ENPP1: variants seen among roughly 807,000 people sequenced by gnomAD.
ENPP1 encodes ectonucleotide pyrophosphatase/phosphodiesterase family member 1.
In ENPP1, 73 loss-of-function variants were observed where a neutral mutation model predicts 122.8. The observed-to-expected ratio is 0.59, with a 90% CI of 0.49 to 0.72. The LOEUF (loss-of-function observed/expected upper bound fraction) is 0.72, where lower values mean the gene tolerates loss of function less well. Ranked by LOEUF, ENPP1 falls within the 30% of genes least tolerant of loss-of-function variation. The pLI, the probability that ENPP1 is intolerant of heterozygous loss-of-function variation, is 0.00. For missense variants in ENPP1, 978 were observed against 1,128.1 expected (o/e 0.87, Z 1.91); for synonymous variants, 367 against 391.6 (o/e 0.94, Z 0.74).
intron 16 of ENPP1, among the ~76,000 whole-genome samples, chr6:131,875,066 A>T (rs1027092990): frequency 1.3e-5 from 2 of 152,126 alleles, no homozygotes; most frequent in Non-Finnish European, 2.9e-5. Context: ...CAAAGGTGGG[A>T]GGGCAGGAGG....
chr6:131,826,216 T>C (rs1781544358), intron 1 of ENPP1: 1 of 926,774 alleles, frequency 1.1e-6, no homozygotes, highest in African/African-American at 1.6e-5. Flanking sequence ...ACATTGCAGC[T>C]TTTTGCACTG....
chr6:131,872,219 G>A lies in ENPP1; in HGVS notation c.1437+118G>A, dbSNP rs1035869206. 9.3e-6 allele frequency: 7 copies of A among 750,610 alleles called. No individual in the cohort carries two copies. The African/African-American group carries it at 1.1e-4, about 11-fold the overall frequency. The allele number at this position is 750,610 out of a possible 1,614,324, so 46.5% of individuals were successfully genotyped here. ...GGATTAGAATATTTTAGTAATCTGG[G>A]CCAACATGGAAATGCTGTGTAGTTT... is the stretch of plus-strand genomic sequence containing the variant. On this transcript the variant is annotated intron_variant, in intron 14 of 24. Coordinates refer to ENST00000647893, the MANE Select transcript of ENPP1 (RefSeq NM_006208.3).
chr6:131,831,756 CAT>C (rs1781617162), intron 1 of ENPP1, among the ~76,000 whole-genome samples: 1 of 152,154 alleles, frequency 6.6e-6, no homozygotes. Context: ...TAGGTCTTGT[CAT>C]TGATGATGTT....
In ENPP1 at chr6:131,869,387, A is replaced by T; in HGVS notation, c.1303A>T (p.Ile435Leu). The change falls in exon 13 of 25, where the codon ATA becomes TTA. Residue 435 changes from isoleucine (I) to leucine (L), a missense_variant. Physicochemically the swap from Ile to Leu is conservative, Grantham distance 5 (BLOSUM62 2). Coordinates refer to ENST00000647893, the MANE Select transcript of ENPP1 (RefSeq NM_006208.3). ...GMEQGSCKKY[I>L]YLNKYLGDVK... Reference sequence around the variant, plus strand: ...GGAACAAGGCAGTTGTAAGAAATACATATATCTGAATAAATATTTGGGGGA... The same window carrying T: ...GGAACAAGGCAGTTGTAAGAAATACTTATATCTGAATAAATATTTGGGGGA... The T allele has an allele frequency of 6.2e-7, 1 of 1,613,376 alleles. No individual in the cohort carries two copies. Among genetic ancestry groups the T allele is most frequent in the Non-Finnish European group, 8.5e-7 (1 of 1,179,432 alleles).
intron 1 of ENPP1, among the ~76,000 whole-genome samples, chr6:131,823,330 A>C (rs975187938): frequency 6.6e-6 from 1 of 152,174 alleles, no homozygotes; most frequent in Non-Finnish European, 1.5e-5. Context: ...AGTGGGACTC[A>C]GTATCCTATA....
intron 24 of ENPP1, among the ~76,000 whole-genome samples, chr6:131,889,127 G>A (rs895337934): frequency 1.6e-4 from 25 of 152,126 alleles, no homozygotes; most frequent in Admixed American, 1.3e-4. Context: ...AAAATAACCC[G>A]ATGAGGAGGA....
chr6:131,834,675 C>T (rs1400016580), intron 1 of ENPP1, among the ~76,000 whole-genome samples: 3 of 151,938 alleles, frequency 2.0e-5, no homozygotes, highest in East Asian at 1.9e-4. Context: ...GGATTACAGG[C>T]GTGTGCCACT....
intron 1 of ENPP1, among the ~76,000 whole-genome samples, chr6:131,833,241 T>C (rs980680072): frequency 1.3e-5 from 2 of 152,228 alleles, no homozygotes; most frequent in African/African-American, 2.4e-5. Context: ...GTCTTTTTAA[T>C]GTTTGTTCAT....
chr6:131,843,535 C>T (rs1257057550), intron 1 of ENPP1, among the ~76,000 whole-genome samples: 1 of 152,092 alleles, frequency 6.6e-6, no homozygotes, highest in African/African-American at 2.4e-5. Context: ...CCATCTAGTT[C>T]TTCTACTCAT....
chr6:131,848,075 G>T (rs924710103), intron 2 of ENPP1, among the ~76,000 whole-genome samples: 2 of 152,076 alleles, frequency 1.3e-5, no homozygotes, highest in African/African-American at 2.4e-5. Flanking sequence ...TGATGCTGTT[G>T]TCCTGGAGCC....
chr6:131,852,323 T>C lies in ENPP1; in HGVS notation c.617+88T>C, dbSNP rs191870960. The C allele has an allele frequency of 1.3e-4, 107 of 812,604 alleles. 1 individual carries two copies. In the African/African-American group the frequency reaches 1.6e-3, roughly 12 times the overall value. The allele number at this position is 812,604 out of a possible 1,614,324, so 50.3% of individuals were successfully genotyped here. A position where few individuals can be genotyped will look rare whatever the true frequency, so the allele number is the denominator to read the frequency against. On this transcript the variant is annotated intron_variant, in intron 5 of 24. Transcript: ENST00000647893. ...TTCCAAATTAAGATGATAAAAATAA[T>C]AAAATCACTGGTTTATTAAACATTA...
chr6:131,892,588 G>A lies in ENPP1; in HGVS notation c.*2077G>A, dbSNP rs1050319062. On this transcript the variant is annotated 3_prime_UTR_variant, in exon 25 of 25. Transcript: ENST00000647893. The stretch of plus-strand genomic sequence containing the variant: ...CCCAGTAGCCTACACAGCCTTCTCC[G>A]ACACCACTCTGGAGTTGTATTCTTC... 1.3e-5 allele frequency: 2 copies of A among 152,196 alleles called. No individual in the cohort carries two copies. The highest frequency in any genetic ancestry group is 1.9e-4 in the East Asian group (1 of 5,202). 9.4% of individuals were successfully genotyped at this position (152,196 alleles called of 1,614,324 possible).
chr6:131,875,530 A>G (rs1782219677), intron 16 of ENPP1, among the ~76,000 whole-genome samples: 1 of 152,216 alleles, frequency 6.6e-6, no homozygotes, highest in South Asian at 2.1e-4. Context: ...AAATGTTATC[A>G]TTCATTCTGT....
At chr6:131,834,045 G>A (rs1328199212) in intron 1 of ENPP1, among the ~76,000 whole-genome samples, 2 of 152,134 alleles carry the variant, frequency 1.3e-5, no homozygotes, top group Non-Finnish European at 2.9e-5. Context: ...ATACAATGAC[G>A]GTCTACAAGT....
intron 5 of ENPP1, among the ~76,000 whole-genome samples, chr6:131,852,753 T>A (rs945927353): frequency 6.6e-6 from 1 of 152,176 alleles, no homozygotes; most frequent in Non-Finnish European, 1.5e-5. Flanking sequence ...TTACTTTTAT[T>A]TGGAGTTTTT....
At position 131,867,997 on chromosome 6, in the gene ENPP1, G is replaced by A. The variant is rs1455823809; in HGVS notation, c.1165-21G>A. 17 of 1,497,596 alleles carry A rather than the reference G, an allele frequency of 1.1e-5. No individual in the cohort carries two copies. In the Admixed American group the frequency reaches 2.5e-4, roughly 22 times the overall value. The allele number at this position is 1,497,596 out of a possible 1,614,324, so 92.8% of individuals were successfully genotyped here. A position where few individuals can be genotyped will look rare whatever the true frequency, so the allele number is the denominator to read the frequency against. Reference sequence around the variant, plus strand: ...ATTAGTGTGGAAGGTATCACATGAGGTTGTTGCTTCCCATTCTTAGGTCAT... The same window carrying A: ...ATTAGTGTGGAAGGTATCACATGAGATTGTTGCTTCCCATTCTTAGGTCAT... On this transcript the variant is annotated intron_variant, in intron 11 of 24. Coordinates refer to ENST00000647893, the MANE Select transcript of ENPP1 (RefSeq NM_006208.3).
At chr6:131,842,530 C>T (rs991428035) in intron 1 of ENPP1, among the ~76,000 whole-genome samples, 1 of 151,724 alleles carries the variant, frequency 6.6e-6, no homozygotes, top group African/African-American at 2.4e-5. Context: ...TACATTGCAT[C>T]TTGCAGATAC....
intron 9 of ENPP1, among the ~76,000 whole-genome samples, chr6:131,862,246 A>G (rs1223508007): frequency 1.3e-5 from 2 of 152,132 alleles, no homozygotes; most frequent in Non-Finnish European, 2.9e-5. Flanking sequence ...TTTGAGAAAC[A>G]CCGATAACGT....
intron 11 of ENPP1, among the ~76,000 whole-genome samples, chr6:131,866,289 GT>G (rs1310198821): frequency 6.6e-5 from 10 of 152,038 alleles, no homozygotes; most frequent in African/African-American, 2.2e-4. Context: ...ATTCCTATCA[GT>G]TCTCCCGCCC....
Sources: allele counts gnomAD v4.1 joint callset (sites outside exome capture counted in the v4.1 genomes callset), GRCh38; gene constraint gnomAD v4.1.1; transcripts MANE v1.5; gene names NCBI Gene and HGNC (gene_info 2026-07-23, HGNC 2026-07-21).